RNF145: variants seen among roughly 807,000 people sequenced by gnomAD.
RNF145 encodes the protein ring finger protein 145.
Under a neutral mutation model 57.3 loss-of-function variants are expected in RNF145, and 12 were observed. The observed-to-expected ratio is 0.21, with a 90% CI of 0.13 to 0.34. The LOEUF (loss-of-function observed/expected upper bound fraction) is 0.34. Among genes scored for constraint, RNF145 ranks in the 10% least tolerant of loss-of-function variants. RNF145 has a pLI of 1.00. For synonymous variants in RNF145, 262 were observed against 288.3 expected (o/e 0.91, Z 0.92); for missense variants, 429 against 799.0 (o/e 0.54, Z 5.58).
chr5:159,206,196 G>A (rs1299326113), intron 1 of RNF145, among the ~76,000 whole-genome samples: 2 of 152,080 alleles, frequency 1.3e-5, no homozygotes, highest in African/African-American at 4.8e-5. Context: ...TAGTCAACTC[G>A]AGACTGAAAT....
At chr5:159,192,618 G>T (rs781034812) in intron 3 of RNF145, among the ~76,000 whole-genome samples, 6 of 152,072 alleles carry the variant, frequency 3.9e-5, no homozygotes, top group Non-Finnish European at 5.9e-5. Flanking sequence ...CAAGACAAAA[G>T]AATTCACCAA....
intron 2 of RNF145, among the ~76,000 whole-genome samples, chr5:159,196,905 T>C (rs957026463): frequency 5.3e-5 from 8 of 152,218 alleles, no homozygotes. Context: ...CTTTCTCCTA[T>C]ATATCGCATA....
intron 5 of RNF145, among the ~76,000 whole-genome samples, chr5:159,176,346 G>C (rs1000066113): frequency 6.6e-6 from 1 of 152,092 alleles, no homozygotes; most frequent in African/African-American, 2.4e-5. Context: ...CCGTTTTACA[G>C]AAAGTAACGC....
intron 5 of RNF145, among the ~76,000 whole-genome samples, chr5:159,175,455 T>C (rs1784690335): frequency 6.6e-6 from 1 of 152,190 alleles, no homozygotes; most frequent in Non-Finnish European, 1.5e-5. Context: ...GCTGAGGTTA[T>C]TCAATAAATA....
chr5:159,209,587 T>G (rs1786040072), upstream of RNF145: 2 of 1,031,772 alleles, frequency 1.9e-6, no homozygotes, highest in South Asian at 8.9e-5. Flanking sequence ...ACTCTGCGCC[T>G]GCGCGCGGCC....
intron 10 of RNF145, among the ~76,000 whole-genome samples, chr5:159,160,886 G>A (rs1204070562): frequency 6.6e-6 from 1 of 152,102 alleles, no homozygotes; most frequent in Non-Finnish European, 1.5e-5. Flanking sequence ...GGAAATACTA[G>A]AGGGAAAAGA....
intron 3 of RNF145, among the ~76,000 whole-genome samples, chr5:159,185,173 C>G (rs1019559613): frequency 1.2e-4 from 19 of 152,178 alleles, no homozygotes; most frequent in African/African-American, 4.6e-4. Context: ...CTCCAAAATC[C>G]TCCATTTGGC....
Position 159,158,913 on chromosome 5 carries a change from C to G in RNF145, c.1749G>C (p.Gln583His). The G allele has an allele frequency of 6.2e-7, 1 of 1,613,910 alleles. No individual in the cohort carries two copies. Among genetic ancestry groups the G allele is most frequent in the Admixed American group, 1.7e-5 (1 of 60,002 alleles). ...LCHCHLKNSSQLPGLGTEPVL... is the reference protein window; with the variant it reads ...LCHCHLKNSSHLPGLGTEPVL... ...CTGGCTCAGTTCCTAATCCTGGAAGCTGGGAGGAGTTTTTCAGATGGCAGT... is the reference window on the plus strand; with the variant it reads ...CTGGCTCAGTTCCTAATCCTGGAAGGTGGGAGGAGTTTTTCAGATGGCAGT... Residue 583 changes from glutamine (Q) to histidine (H), a missense_variant, in exon 11 of 11, where the codon CAG becomes CAC. Physicochemically the swap from Gln to His is conservative, Grantham distance 24. Around this residue, in one of 4 missense-constraint regions of RNF145, gnomAD observed 102 missense variants for 106.2 expected, o/e 0.96. Coordinates refer to ENST00000424310, the MANE Select transcript of RNF145 (RefSeq NM_001199383.2).
At chr5:159,164,268 G>A (rs1189060449) in intron 8 of RNF145, among the ~76,000 whole-genome samples, 1 of 152,026 alleles carries the variant, frequency 6.6e-6, no homozygotes, top group Non-Finnish European at 1.5e-5. Flanking sequence ...AGAAATTAAG[G>A]AACAAATGTA....
At chr5:159,162,428 T>TC (rs1358297127) in intron 9 of RNF145, among the ~76,000 whole-genome samples, 2 of 64,344 alleles carry the variant, frequency 3.1e-5, no homozygotes, top group African/African-American at 1.7e-4. Context: ...ATATTTTCTT[T>TC]TTTTTTTTTT....
At chr5:159,159,543 T>C (rs1784146239) in intron 10 of RNF145, among the ~76,000 whole-genome samples, 1 of 152,148 alleles carries the variant, frequency 6.6e-6, no homozygotes, top group Non-Finnish European at 1.5e-5. Flanking sequence ...TTACGGACAA[T>C]GTATATACCC....
rs562750779 is a variant in RNF145 at position 159,164,324 on chromosome 5, TA to T, written c.1122-1246del. On this transcript the variant is annotated intron_variant, in intron 8 of 10. Coordinates refer to ENST00000424310, the MANE Select transcript of RNF145 (RefSeq NM_001199383.2). ...TTGAGATTCAGCAATTTTAACTTTT[TA>T]AAGAAAGGCAGTAGCTGTACTGTGT... is the stretch of plus-strand genomic sequence containing the variant. Among the ~76,000 whole-genome samples, 435 of 152,320 alleles carry T rather than the reference TA, an allele frequency of 2.9e-3. 1 individual carries two copies. The highest frequency in any genetic ancestry group is 9.6e-3 in the African/African-American group (400 of 41,586).
intron 1 of RNF145, 63 bp downstream of exon 1, chr5:159,209,168 A>C: frequency 1.8e-6 from 1 of 556,640 alleles, no homozygotes; most frequent in Non-Finnish European, 2.0e-6. Flanking sequence ...GAGGGGAGGG[A>C]GGCCGTGGGA....
chr5:159,195,518 C>G (rs1349065838), intron 2 of RNF145, among the ~76,000 whole-genome samples: 2 of 152,158 alleles, frequency 1.3e-5, no homozygotes, highest in African/African-American at 4.8e-5. Flanking sequence ...TGGAAGTCAA[C>G]GACTGCCTAC....
chr5:159,188,571 G>C lies in RNF145; in HGVS notation c.293+6145C>G, dbSNP rs182608387. On this transcript the variant is annotated intron_variant, in intron 3 of 10. Coordinates refer to ENST00000424310, the MANE Select transcript of RNF145 (RefSeq NM_001199383.2). ...TAGTCTCAATTTTCTATACGGATTA[G>C]CACTAGAAAAATACATTCCCTACAT... 5.3e-5 allele frequency among the ~76,000 whole-genome samples: 8 copies of C among 152,118 alleles called. No homozygotes were observed. The East Asian group carries it at 1.5e-3, about 29-fold the overall frequency.
intron 3 of RNF145, among the ~76,000 whole-genome samples, chr5:159,190,875 T>C (rs1785266849): frequency 1.3e-5 from 2 of 152,096 alleles, no homozygotes; most frequent in South Asian, 2.1e-4. Flanking sequence ...TGTGAGATAC[T>C]ATCATATAGT....
intron 2 of RNF145, among the ~76,000 whole-genome samples, chr5:159,195,028 T>C (rs1785410261): frequency 7.3e-6 from 1 of 136,140 alleles, no homozygotes; most frequent in East Asian, 2.1e-4. Flanking sequence ...TTTCACTTCT[T>C]TTGTAGATTT....
At position 159,165,729 on chromosome 5, in the gene RNF145, A is replaced by T. The variant is rs1279524079; in HGVS notation, c.1122-2650T>A. On this transcript the variant is annotated intron_variant, in intron 8 of 10. Coordinates refer to ENST00000424310, the MANE Select transcript of RNF145 (RefSeq NM_001199383.2). ...AAAAAAAAAAAAAAAAAAAAAAAAA[A>T]AAAATAATAATATCCTACATTATCA... is the stretch of plus-strand genomic sequence containing the variant. 2.9e-4 allele frequency among the ~76,000 whole-genome samples: 2 copies of T among 6,820 alleles called. 1 individual carries two copies. Among genetic ancestry groups the T allele is most frequent in the Non-Finnish European group, 4.5e-4 (2 of 4,472 alleles). 4.5% of individuals were successfully genotyped at this position (6,820 alleles called of 152,430 possible). A position where few individuals can be genotyped will look rare whatever the true frequency, so the allele number is the denominator to read the frequency against.
chr5:159,169,591 A>G, intron 7 of RNF145, 88 bp downstream of exon 7: 8 of 1,170,810 alleles, frequency 6.8e-6, no homozygotes, highest in Admixed American at 3.0e-5. Flanking sequence ...ATTTCTTCTA[A>G]AATTCATCAG....
Sources: gnomAD v4.1 joint callset for allele counts (sites outside exome capture counted in the v4.1 genomes callset) on GRCh38, gnomAD v4.1.1 for gene constraint, gnomAD v4.1.1 regional missense constraint, MANE v1.5 for transcripts, NCBI Gene and HGNC (gene_info 2026-07-23, HGNC 2026-07-21) for gene names.